Variants in TPCN2 observed in about 807,000 individuals in gnomAD.
The protein encoded by TPCN2 is two pore channel protein 2.
Under a neutral mutation model 111.4 loss-of-function variants are expected in TPCN2, and 92 were observed. The ratio of observed to expected loss-of-function variants is 0.83; its 90% CI spans 0.70 to 0.98. TPCN2 has a LOEUF of 0.98. Among genes scored for constraint, TPCN2 ranks in the 50% least tolerant of loss-of-function variants. TPCN2 has a pLI of 0.00. For synonymous variants in TPCN2, 405 were observed against 414.5 expected (o/e 0.98, Z 0.28); for missense variants, 995 against 980.1 (o/e 1.02, Z -0.20).
intron 19 of TPCN2, among the ~76,000 whole-genome samples, chr11:69,084,499 GCCAGCCTT>G (rs1361587177): frequency 1.3e-5 from 2 of 152,206 alleles, no homozygotes; most frequent in African/African-American, 4.8e-5. Context: ...CTCCCTGGGG[GCCAGCCTT>G]CCAGCTGAGG....
At position 69,082,763 on chromosome 11, in the gene TPCN2, T is replaced by C. The variant is rs111305365; in HGVS notation, c.1690-1182T>C. Among the ~76,000 whole-genome samples, 321 of 45,802 alleles carry C rather than the reference T, an allele frequency of 7.0e-3. 3 individuals carry two copies. The highest frequency in any genetic ancestry group is 9.3e-3 in the Non-Finnish European group (175 of 18,794). 30.0% of individuals were successfully genotyped at this position (45,802 alleles called of 152,430 possible). On this transcript the variant is annotated intron_variant, in intron 18 of 24. Coordinates refer to ENST00000294309, the MANE Select transcript of TPCN2 (RefSeq NM_139075.4). ...CCCGTGTAAGACGCATGATCGTGTG[T>C]GCACACATCGCGTGCAGATATCCAT...
intron 1 of TPCN2, among the ~76,000 whole-genome samples, chr11:69,051,785 C>G (rs1449115800): frequency 1.3e-5 from 2 of 152,166 alleles, no homozygotes; most frequent in Non-Finnish European, 2.9e-5. Flanking sequence ...GGATGGTGCT[C>G]CTGGCAGAAG....
chr11:69,065,385 T>C (rs149373669), intron 7 of TPCN2, among the ~76,000 whole-genome samples: 12 of 152,274 alleles, frequency 7.9e-5, no homozygotes, highest in African/African-American at 2.9e-4. Context: ...AAGCCGAGTG[T>C]CCCATCCTGA....
chr11:69,057,798 C>T (rs1451865850), intron 5 of TPCN2, 104 bp downstream of exon 5: 16 of 1,005,398 alleles, frequency 1.6e-5, no homozygotes, highest in Admixed American at 1.1e-4. Context: ...GCCAGCCATC[C>T]TGCCCACCCG....
chr11:69,082,401 C>T (rs1296515947), intron 18 of TPCN2, among the ~76,000 whole-genome samples: 2 of 152,266 alleles, frequency 1.3e-5, no homozygotes, highest in Non-Finnish European at 2.9e-5. Context: ...CAATACACAT[C>T]ATCATGCACA....
rs796867338 is a variant in TPCN2, at chr11:69,048,986, G to C, written c.-12G>C. ...AGCTTCTGAGGGTCGGGTCCAGCGC[G>C]TGGGCTGCTGGATGGCGGAACCCCA... On this transcript the variant is annotated 5_prime_UTR_variant, in exon 1 of 25. Transcript: ENST00000294309. 3.2e-5 allele frequency: 39 copies of C among 1,233,852 alleles called. No individual in the cohort carries two copies. In the African/African-American group the frequency reaches 5.3e-4, roughly 17 times the overall value. 76.4% of individuals were successfully genotyped at this position (1,233,852 alleles called of 1,614,324 possible). A position where few individuals can be genotyped will look rare whatever the true frequency, so the allele number is the denominator to read the frequency against.
intron 10 of TPCN2, 21 bp downstream of exon 10, chr11:69,071,441 T>C (rs1242273351): frequency 6.2e-7 from 1 of 1,607,670 alleles, no homozygotes; most frequent in Non-Finnish European, 8.5e-7. Context: ...TCCCCAATGC[T>C]GGCTGTGCCT....
chr11:69,074,237 G>GC (rs756835604), intron 13 of TPCN2, among the ~76,000 whole-genome samples: 18 of 152,316 alleles, frequency 1.2e-4, no homozygotes, highest in Non-Finnish European at 1.8e-4. Context: ...CCCTGCCCCA[G>GC]CCTGAGCTTG....
At chr11:69,087,011 C>T in intron 23 of TPCN2, 101 bp from the exon 24 acceptor site, 5 of 983,874 alleles carry the variant, frequency 5.1e-6, no homozygotes, top group Non-Finnish European at 7.8e-6. Flanking sequence ...GCTCAGCCCC[C>T]TCAGCGGGTG....
At chr11:69,076,600 G>A (rs1855764564) in intron 13 of TPCN2, among the ~76,000 whole-genome samples, 1 of 146,568 alleles carries the variant, frequency 6.8e-6, no homozygotes, top group Admixed American at 6.7e-5. Flanking sequence ...CTGCCCTCCT[G>A]CCGTGTCCCT....
At chr11:69,058,195 T>C (rs549979137) in intron 5 of TPCN2, among the ~76,000 whole-genome samples, 4 of 152,244 alleles carry the variant, frequency 2.6e-5, no homozygotes, top group Admixed American at 6.5e-5. Flanking sequence ...AGAATAGAGC[T>C]GGGAGAGGTG....
intron 2 of TPCN2, 60 bp from the exon 3 acceptor site, chr11:69,054,661 C>CG: frequency 6.6e-7 from 1 of 1,511,226 alleles, no homozygotes; most frequent in South Asian, 1.1e-5. Flanking sequence ...GTGTGGGGCT[C>CG]GGGTCACGGC....
intron 5 of TPCN2, among the ~76,000 whole-genome samples, chr11:69,058,656 G>A (rs1037637958): frequency 6.6e-6 from 1 of 152,328 alleles, no homozygotes; most frequent in Middle Eastern, 3.4e-3. Flanking sequence ...TGGAATGGGC[G>A]GCATCGCAGC....
chr11:69,079,157 G>A, intron 16 of TPCN2, 137 bp downstream of exon 16: 1 of 1,193,466 alleles, frequency 8.4e-7, no homozygotes, highest in Non-Finnish European at 1.2e-6. Context: ...CAGTGGTGAG[G>A]GCTGGCTTCC....
At position 69,082,713 on chromosome 11, in the gene TPCN2, G is replaced by A. The variant is rs35421085; in HGVS notation, c.1689+1214G>A. Among the ~76,000 whole-genome samples, 344 of 51,268 alleles carry A rather than the reference G, an allele frequency of 6.7e-3. 3 individuals carry two copies. The highest frequency in any genetic ancestry group is 0.023 in the African/African-American group (301 of 12,812). The allele number at this position is 51,268 out of a possible 152,430, so 33.6% of individuals were successfully genotyped here. On this transcript the variant is annotated intron_variant, in intron 18 of 24. Transcript: ENST00000294309. ...GCATGATCGTGTGTGCACACATCGC[G>A]TGCAGATATCCATGTGAACTCGTGC...
At position 69,080,520 on chromosome 11, in the gene TPCN2, G is replaced by A. The variant is rs551700503; in HGVS notation, c.1589+637G>A. Reference sequence around the variant, plus strand: ...TCTGCCCTGAGAGCGTGGCTCTGGTGTGCCCGTGATGAGACAGGAAGGGTG... The same window carrying A: ...TCTGCCCTGAGAGCGTGGCTCTGGTATGCCCGTGATGAGACAGGAAGGGTG... On this transcript the variant is annotated intron_variant, in intron 17 of 24. Coordinates refer to ENST00000294309, the MANE Select transcript of TPCN2 (RefSeq NM_139075.4). Among the ~76,000 whole-genome samples, 8 of 152,352 alleles carry A rather than the reference G, an allele frequency of 5.3e-5. No homozygotes were observed. In the East Asian group the frequency reaches 1.5e-3, roughly 29 times the overall value.
At chr11:69,061,811 T>C (rs1855033386) in intron 5 of TPCN2, among the ~76,000 whole-genome samples, 2 of 151,388 alleles carry the variant, frequency 1.3e-5, no homozygotes, top group African/African-American at 4.9e-5. Flanking sequence ...AGGTGGTGAT[T>C]GAGCCAATCC....
At chr11:69,085,959 A>C in intron 22 of TPCN2, 29 bp downstream of exon 22, 1 of 1,600,014 alleles carries the variant, frequency 6.2e-7, no homozygotes, top group South Asian at 1.1e-5. Context: ...GACGGCAGTG[A>C]TTCTCCGTGC....
At chr11:69,085,392 T>C in intron 20 of TPCN2, 106 bp downstream of exon 20, 1 of 1,158,308 alleles carries the variant, frequency 8.6e-7, no homozygotes, top group Admixed American at 1.7e-5. Context: ...GATGGGAGGG[T>C]GTTCTCCCAG....
Sources: gnomAD v4.1 joint callset for allele counts (sites outside exome capture counted in the v4.1 genomes callset) on GRCh38, gnomAD v4.1.1 for gene constraint, MANE v1.5 for transcripts, NCBI Gene and HGNC (gene_info 2026-07-23, HGNC 2026-07-21) for gene names.